PPP2R2B: variants seen among roughly 807,000 people sequenced by gnomAD.
PPP2R2B encodes serine/threonine-protein phosphatase 2A 55 kDa regulatory subunit B beta isoform.
Under a neutral mutation model 46.0 loss-of-function variants are expected in PPP2R2B, and 5 were observed. That is an observed-to-expected ratio of 0.11 (90% CI 0.06 to 0.23). PPP2R2B has a LOEUF of 0.23. Ranked by LOEUF, PPP2R2B falls within the 10% of genes least tolerant of loss-of-function variation. The pLI, the probability that PPP2R2B is intolerant of heterozygous loss-of-function variation, is 1.00. For synonymous variants in PPP2R2B, 215 were observed against 206.7 expected (o/e 1.04, Z -0.34); for missense variants, 367 against 575.0 (o/e 0.64, Z 3.70).
intron 1 of PPP2R2B, among the ~76,000 whole-genome samples, chr5:146,927,733 T>A (rs958458528): frequency 2.6e-5 from 4 of 151,612 alleles, no homozygotes; most frequent in Admixed American, 6.6e-5. Context: ...AGCCATACTT[T>A]CTTCTTTTTT....
intron 2 of PPP2R2B, among the ~76,000 whole-genome samples, chr5:146,782,952 G>A (rs1037707031): frequency 3.3e-5 from 5 of 152,010 alleles, no homozygotes; most frequent in African/African-American, 7.2e-5. Flanking sequence ...TCATAGAATC[G>A]ATATGGAAAA....
rs531462624 is a variant in PPP2R2B at position 146,759,262 on chromosome 5, T to C, written c.71-58120A>G. Among the ~76,000 whole-genome samples, 5 of 152,312 alleles carry C rather than the reference T, an allele frequency of 3.3e-5. No individual in the cohort carries two copies. In the East Asian group the frequency reaches 9.6e-4, roughly 29 times the overall value. ...TAATATTGCTTCTTAGAAATGACCT[T>C]TCAGGGAATTTTCCTTATGTGATCA... On this transcript the variant is annotated intron_variant, in intron 2 of 9. Transcript: ENST00000394411.
At chr5:146,789,736 G>A (rs1756072004) in intron 2 of PPP2R2B, among the ~76,000 whole-genome samples, 1 of 152,078 alleles carries the variant, frequency 6.6e-6, no homozygotes. Context: ...TAATGGATTG[G>A]ATTTAATATT....
intron 2 of PPP2R2B, among the ~76,000 whole-genome samples, chr5:146,776,970 G>A (rs2151277363): frequency 6.6e-6 from 1 of 152,134 alleles, no homozygotes; most frequent in Non-Finnish European, 1.5e-5. Context: ...CTACTAAGAT[G>A]GCTATAATTT....
At chr5:146,747,391 G>T (rs1022060690) in intron 2 of PPP2R2B, among the ~76,000 whole-genome samples, 4 of 152,148 alleles carry the variant, frequency 2.6e-5, no homozygotes, top group Non-Finnish European at 5.9e-5. Flanking sequence ...CCCAATTTAT[G>T]CACCAAAGCA....
chr5:146,865,455 T>C (rs1350135136), intron 2 of PPP2R2B, among the ~76,000 whole-genome samples: 4 of 152,222 alleles, frequency 2.6e-5, no homozygotes, highest in African/African-American at 9.6e-5. Flanking sequence ...AATGAACATG[T>C]ACTTTATTCT....
intron 2 of PPP2R2B, among the ~76,000 whole-genome samples, chr5:146,816,390 A>G (rs928653320): frequency 1.3e-5 from 2 of 152,204 alleles, no homozygotes; most frequent in Admixed American, 1.3e-4. Flanking sequence ...ACAGAGTGAG[A>G]CTATCTCCAA....
chr5:146,667,225 G>A (rs1777039305), intron 5 of PPP2R2B, among the ~76,000 whole-genome samples: 1 of 152,044 alleles, frequency 6.6e-6, no homozygotes, highest in African/African-American at 2.4e-5. Flanking sequence ...TTTGAATGTA[G>A]TGATTCTAGA....
intron 7 of PPP2R2B, among the ~76,000 whole-genome samples, chr5:146,626,601 G>A (rs1774080751): frequency 6.6e-6 from 1 of 152,172 alleles, no homozygotes; most frequent in Non-Finnish European, 1.5e-5. Context: ...TAGAATTCAG[G>A]ATGCCCCCAG....
At chr5:147,022,284 G>A (rs749133915) in intron 1 of PPP2R2B, among the ~76,000 whole-genome samples, 5 of 152,032 alleles carry the variant, frequency 3.3e-5, no homozygotes, top group East Asian at 3.9e-4. Context: ...CTGGCCAGGC[G>A]CGGTGACACT....
chr5:146,844,383 A>G (rs978297261), intron 2 of PPP2R2B, among the ~76,000 whole-genome samples: 3 of 150,276 alleles, frequency 2.0e-5, no homozygotes, highest in Admixed American at 6.6e-5. Flanking sequence ...AAAAAAATAT[A>G]TACTGAAACA....
chr5:146,785,507 C>G (rs1256377881), intron 2 of PPP2R2B, among the ~76,000 whole-genome samples: 2 of 152,076 alleles, frequency 1.3e-5, no homozygotes, highest in Admixed American at 1.3e-4. Flanking sequence ...TTGATTGTAC[C>G]ACTGCACTCC....
intron 1 of PPP2R2B, among the ~76,000 whole-genome samples, chr5:147,035,480 T>C (rs946466023): frequency 2.0e-5 from 3 of 152,158 alleles, no homozygotes; most frequent in African/African-American, 7.2e-5. Flanking sequence ...CAGGTCATTC[T>C]CTCTGAATTC....
chr5:146,755,573 AT>A (rs1753787553), intron 2 of PPP2R2B, among the ~76,000 whole-genome samples: 1 of 152,198 alleles, frequency 6.6e-6, no homozygotes, highest in African/African-American at 2.4e-5. Context: ...AATTGGCAAT[AT>A]TTGTATTCCC....
At chr5:146,691,909 C>T (rs1469367222) in intron 4 of PPP2R2B, among the ~76,000 whole-genome samples, 1 of 152,182 alleles carries the variant, frequency 6.6e-6, no homozygotes, top group Non-Finnish European at 1.5e-5. Context: ...TCCTCTTGCG[C>T]TTGCATCCCA....
At chr5:146,765,225 G>A (rs767439140) in intron 2 of PPP2R2B, among the ~76,000 whole-genome samples, 4 of 152,198 alleles carry the variant, frequency 2.6e-5, no homozygotes, top group Non-Finnish European at 4.4e-5. Flanking sequence ...ATAAGATGTA[G>A]TTTTCATATG....
rs77031393 is a variant in PPP2R2B, at chr5:146,622,234, T to A, written c.790+16017A>T. Reference sequence around the variant, plus strand: ...GCTTTTTCTGGGCCCAATTTTCTCATCTGTAACTCCAAGTTTATGAATTGT... The same window carrying A: ...GCTTTTTCTGGGCCCAATTTTCTCAACTGTAACTCCAAGTTTATGAATTGT... On this transcript the variant is annotated intron_variant, in intron 7 of 9. Transcript: ENST00000394411. Among the ~76,000 whole-genome samples the A allele has an allele frequency of 9.7e-3, 1,471 of 152,316 alleles. 31 individuals are homozygous for A. Among genetic ancestry groups the A allele is most frequent in the African/African-American group, 0.033 (1,370 of 41,566 alleles).
At chr5:146,812,336 G>A (rs1757600830) in intron 2 of PPP2R2B, among the ~76,000 whole-genome samples, 1 of 149,536 alleles carries the variant, frequency 6.7e-6, no homozygotes, top group African/African-American at 2.5e-5. Flanking sequence ...CTGGAGCCTA[G>A]TAGATCTAAG....
At position 146,584,578 on chromosome 5, in the gene PPP2R2B, G is replaced by A. The variant is rs553021797; in HGVS notation, c.*5369C>T. The A allele has an allele frequency of 4.6e-5, 7 of 152,126 alleles. No individual in the cohort carries two copies. Among genetic ancestry groups the A allele is most frequent in the South Asian group, 2.1e-4 (1 of 4,814 alleles). 9.4% of individuals were successfully genotyped at this position (152,126 alleles called of 1,614,324 possible). A position where few individuals can be genotyped will look rare whatever the true frequency, so the allele number is the denominator to read the frequency against. ...TCTAACCCTTTTGAGTCTGTTTCTC[G>A]CTATAAAAATGGAATAATACATCTA... On this transcript the variant is annotated 3_prime_UTR_variant, in exon 10 of 10. Coordinates refer to ENST00000394411, the MANE Select transcript of PPP2R2B (RefSeq NM_181675.4).
Sources: allele counts gnomAD v4.1 joint callset (sites outside exome capture counted in the v4.1 genomes callset), GRCh38; gene constraint gnomAD v4.1.1; transcripts MANE v1.5; gene names NCBI Gene and HGNC (gene_info 2026-07-23, HGNC 2026-07-21).